Variants in SEMA3A observed in about 807,000 individuals in gnomAD.
The protein encoded by SEMA3A is semaphorin-3A.
SEMA3A carries 29 observed loss-of-function variants against 97.9 expected under a neutral mutation model. That is an observed-to-expected ratio of 0.30 (90% CI 0.22 to 0.40). SEMA3A has a LOEUF of 0.40. SEMA3A is among the 10% of genes least tolerant of loss of function. The probability of loss-of-function intolerance (pLI) is 1.00; values close to 1 mark genes in which losing one functional copy is unlikely to be tolerated. For missense variants in SEMA3A, 763 were observed against 951.3 expected (o/e 0.80, Z 2.60); for synonymous variants, 321 against 323.7 (o/e 0.99, Z 0.09).
chr7:84,135,069 C>A (rs1277806973), intron 1 of SEMA3A, 118 bp from the exon 2 acceptor site: 3 of 660,516 alleles, frequency 4.5e-6, no homozygotes, highest in Non-Finnish European at 7.2e-6. Context: ...AGTGCTTATT[C>A]TTCAGGGTAC....
chr7:83,999,048 T>C (rs1363184570), intron 12 of SEMA3A, among the ~76,000 whole-genome samples: 1 of 152,178 alleles, frequency 6.6e-6, no homozygotes, highest in African/African-American at 2.4e-5. Context: ...AGTAATTTTT[T>C]ATAAGTAGAA....
intron 3 of SEMA3A, among the ~76,000 whole-genome samples, chr7:84,293,346 T>A (rs1800796101): frequency 2.0e-5 from 3 of 152,032 alleles, no homozygotes; most frequent in Non-Finnish European, 4.4e-5. Context: ...TTTCTCATAT[T>A]TGCCTTTTGA....
At chr7:84,258,035 T>A (rs1439155709) in intron 3 of SEMA3A, among the ~76,000 whole-genome samples, 1 of 152,180 alleles carries the variant, frequency 6.6e-6, no homozygotes, top group Non-Finnish European at 1.5e-5. Flanking sequence ...GAACAATGTC[T>A]CATTTAAAGC....
chr7:83,988,845 A>G (rs1228988361), intron 12 of SEMA3A, among the ~76,000 whole-genome samples: 1 of 149,178 alleles, frequency 6.7e-6, no homozygotes, highest in South Asian at 2.2e-4. Context: ...AGCACAACAC[A>G]TCATGGATAT....
chr7:84,086,604 A>ATATAATATATTATTATATTAT (rs1382445049), intron 4 of SEMA3A, among the ~76,000 whole-genome samples: 5 of 141,484 alleles, frequency 3.5e-5, no homozygotes, highest in African/African-American at 5.2e-5. Flanking sequence ...TTATATTTAT[A>ATATAATATATTATTATATTAT]ATCCTCACAA....
chr7:84,492,065 A>G (rs1271524466), intron 1 of SEMA3A, among the ~76,000 whole-genome samples: 1 of 152,150 alleles, frequency 6.6e-6, no homozygotes, highest in African/African-American at 2.4e-5. Flanking sequence ...CATAAAAGTG[A>G]AATCCATTTT....
chr7:84,130,504 T>A (rs1795932191), intron 2 of SEMA3A, among the ~76,000 whole-genome samples: 1 of 152,140 alleles, frequency 6.6e-6, no homozygotes, highest in Non-Finnish European at 1.5e-5. Flanking sequence ...GCTTTCCTTT[T>A]CACATTTGCC....
intron 3 of SEMA3A, among the ~76,000 whole-genome samples, chr7:84,208,220 A>AG (rs968340455): frequency 6.6e-6 from 1 of 152,110 alleles, no homozygotes; most frequent in Admixed American, 6.5e-5. Flanking sequence ...TGGGAGGCCA[A>AG]GGGGGGCAGA....
intron 11 of SEMA3A, among the ~76,000 whole-genome samples, 198 bp from the exon 12 acceptor site, chr7:84,002,244 A>G (rs907594365): frequency 1.3e-4 from 20 of 152,348 alleles, no homozygotes; most frequent in African/African-American, 4.3e-4. Context: ...AAGGTAAACT[A>G]TAAACACAAT....
At chr7:84,389,422 T>C (rs1232324074) in intron 1 of SEMA3A, among the ~76,000 whole-genome samples, 1 of 152,126 alleles carries the variant, frequency 6.6e-6, no homozygotes, top group Non-Finnish European at 1.5e-5. Flanking sequence ...TTCCTATCTA[T>C]ACGGCTTTTA....
At chr7:83,965,637 TATATATATATATATATATATATATATA>T (rs1788643989) in intron 15 of SEMA3A, among the ~76,000 whole-genome samples, 1 of 6,780 alleles carries the variant, frequency 1.5e-4, no homozygotes, top group Non-Finnish European at 2.7e-4. Flanking sequence ...CATATATATA[TATATATATATATATATATATATATATA>T]TATTTTTTTT....
intron 4 of SEMA3A, among the ~76,000 whole-genome samples, chr7:84,063,028 C>T (rs930405355): frequency 6.6e-6 from 1 of 151,954 alleles, no homozygotes; most frequent in African/African-American, 2.4e-5. Flanking sequence ...TGTCTGACAG[C>T]TTTGAAGAGA....
chr7:84,060,870 T>C (rs1411045295), intron 4 of SEMA3A, among the ~76,000 whole-genome samples: 4 of 152,200 alleles, frequency 2.6e-5, no homozygotes, highest in Non-Finnish European at 5.9e-5. Flanking sequence ...ACAGGTATGT[T>C]ATAATCTATC....
intron 3 of SEMA3A, among the ~76,000 whole-genome samples, chr7:84,275,671 C>T (rs1299390434): frequency 6.6e-6 from 1 of 151,970 alleles, no homozygotes; most frequent in Non-Finnish European, 1.5e-5. Flanking sequence ...ACCAAGAATC[C>T]TAGCCCTGTG....
chr7:84,034,489 ATTATCTATAG>A (rs1460530195), intron 6 of SEMA3A, among the ~76,000 whole-genome samples: 2 of 152,224 alleles, frequency 1.3e-5, no homozygotes, highest in African/African-American at 4.8e-5. Flanking sequence ...ACTTAATTTG[ATTATCTATAG>A]TTTGGAAGTG....
At position 83,991,133 on chromosome 7, in the gene SEMA3A, T is replaced by C. The variant is rs1279449053; in HGVS notation, c.1453-5656A>G. Among the ~76,000 whole-genome samples, 6 of 150,580 alleles carry C rather than the reference T, an allele frequency of 4.0e-5. 2 individuals are homozygous for C. Among genetic ancestry groups the C allele is most frequent in the African/African-American group, 1.5e-4 (6 of 41,256 alleles). ...TGGCTCTCTGTTTGTCTGTTGTTGG[T>C]GTATAAGAACGCTTGTGATTTTTGT... On this transcript the variant is annotated intron_variant, in intron 12 of 16. Transcript: ENST00000265362.
intron 3 of SEMA3A, among the ~76,000 whole-genome samples, chr7:84,289,902 T>C (rs1208282057): frequency 6.6e-6 from 1 of 152,142 alleles, no homozygotes; most frequent in Non-Finnish European, 1.5e-5. Flanking sequence ...GTATAAATTG[T>C]GGCATATCCA....
At chr7:84,355,523 G>A (rs1007012329) in intron 2 of SEMA3A, among the ~76,000 whole-genome samples, 18 of 151,770 alleles carry the variant, frequency 1.2e-4, no homozygotes, top group African/African-American at 4.3e-4. Context: ...CTAAATTTAC[G>A]TAACTAACAT....
chr7:84,035,306 CAAAG>C (rs1193039376), intron 6 of SEMA3A, among the ~76,000 whole-genome samples: 1 of 151,534 alleles, frequency 6.6e-6, no homozygotes, highest in Non-Finnish European at 1.5e-5. Context: ...TAGTAAAAAC[CAAAG>C]AAATTGGGAA....
Sources: allele counts gnomAD v4.1 joint callset (sites outside exome capture counted in the v4.1 genomes callset), GRCh38; gene constraint gnomAD v4.1.1; transcripts MANE v1.5; gene names NCBI Gene and HGNC (gene_info 2026-07-23, HGNC 2026-07-21).